The following CSMD3 variants were observed in gnomAD, a reference collection of about 807,000 sequenced individuals.
CSMD3 encodes the protein CUB and sushi domain-containing protein 3.
In CSMD3, 177 loss-of-function variants were observed where a neutral mutation model predicts 435.2. The ratio of observed to expected loss-of-function variants is 0.41; its 90% confidence interval spans 0.36 to 0.46. The LOEUF (loss-of-function observed/expected upper bound fraction) is 0.46, where lower values mean the gene tolerates loss of function less well. Ranked by LOEUF, CSMD3 falls within the 20% of genes least tolerant of loss-of-function variation. The probability of loss-of-function intolerance (pLI) is 0.34; values close to 1 mark genes in which losing one functional copy is unlikely to be tolerated. For synonymous variants in CSMD3, 1,656 were observed against 1,520.5 expected, an observed-to-expected ratio of 1.09 and a Z score of -2.07; for missense variants, 4,265 against 4,504.6, an observed-to-expected ratio of 0.95 and a Z score of 1.52.
intron 10 of CSMD3, among the ~76,000 whole-genome samples, chr8:112,892,451 A>C (rs2081823815): frequency 6.6e-6 from 1 of 151,562 alleles, no homozygotes; most frequent in South Asian, 2.1e-4. Context: ...TTGAAAAATA[A>C]TTTATTATGG....
intron 12 of CSMD3, among the ~76,000 whole-genome samples, chr8:112,805,716 C>A (rs1217243057): frequency 2.2e-4 from 33 of 152,140 alleles, no homozygotes; most frequent in Admixed American, 2.2e-3. Context: ...TCTGTTTTTT[C>A]TCATTGCTCT....
At position 112,685,658 on chromosome 8, in the gene CSMD3, T is replaced by C. The variant is rs1178261908; in HGVS notation, c.2230A>G (p.Asn744Asp). The C allele has an allele frequency of 6.2e-7, 1 of 1,613,816 alleles. No homozygotes were observed. The highest frequency in any genetic ancestry group is 8.5e-7 in the Non-Finnish European group (1 of 1,179,714). Reference sequence around the variant, plus strand: ...ATTATCGTCCAGATGCAATTTAAATTATTTCCATACCCTTCTGGGTAATCA... The same window carrying C: ...ATTATCGTCCAGATGCAATTTAAATCATTTCCATACCCTTCTGGGTAATCA... The part of the protein sequence containing the change: ...SPDYPEGYGN[N>D]LNCIWTIISD... Residue 744 changes from asparagine (N) to aspartate (D), a missense_variant, in exon 15 of 71, where the codon AAT becomes GAT. By Grantham distance (23) the Asn-to-Asp change is conservative (BLOSUM62 1). Transcript: ENST00000297405.
At chr8:112,313,438 C>T (rs1227070930) in intron 49 of CSMD3, among the ~76,000 whole-genome samples, 3 of 152,068 alleles carry the variant, frequency 2.0e-5, no homozygotes, top group Non-Finnish European at 2.9e-5. Flanking sequence ...TTTGTTTTAA[C>T]TTGTCATTTA....
intron 13 of CSMD3, among the ~76,000 whole-genome samples, chr8:112,743,377 C>G (rs1234040205): frequency 6.6e-6 from 1 of 151,454 alleles, no homozygotes; most frequent in African/African-American, 2.4e-5. Context: ...GAGTATTTTC[C>G]AACCTCTCAT....
At chr8:112,667,175 T>C (rs544756507) in intron 16 of CSMD3, among the ~76,000 whole-genome samples, 131 of 152,248 alleles carry the variant, frequency 8.6e-4, no homozygotes, top group African/African-American at 3.1e-3. Context: ...AACCAAGTTT[T>C]AGAGAGAGCA....
At chr8:113,283,013 G>A (rs1211935132) in intron 2 of CSMD3, among the ~76,000 whole-genome samples, 1 of 152,126 alleles carries the variant, frequency 6.6e-6, no homozygotes, top group Non-Finnish European at 1.5e-5. Context: ...AAATGGTGCT[G>A]AGATAATTGG....
intron 70 of CSMD3, among the ~76,000 whole-genome samples, 158 bp downstream of exon 70, chr8:112,228,598 G>C (rs1215496238): frequency 4.6e-5 from 7 of 152,136 alleles, no homozygotes; most frequent in African/African-American, 1.7e-4. Flanking sequence ...GGGGTGGTTA[G>C]GGGAAATAAA....
intron 3 of CSMD3, among the ~76,000 whole-genome samples, chr8:113,261,918 C>T (rs1307369262): frequency 1.3e-5 from 2 of 151,956 alleles, no homozygotes; most frequent in Non-Finnish European, 2.9e-5. Context: ...TCATTTGCTC[C>T]CCTTCCTTAT....
chr8:112,552,413 G>A (rs1827765232), intron 26 of CSMD3, among the ~76,000 whole-genome samples, 181 bp downstream of exon 26: 1 of 152,048 alleles, frequency 6.6e-6, no homozygotes, highest in African/African-American at 2.4e-5. Flanking sequence ...TTGAGCCTAT[G>A]AGGAGGAGGT....
chr8:112,506,829 G>C lies in CSMD3; in HGVS notation c.4757C>G (p.Ala1586Gly), dbSNP rs558533994. 3.1e-6 allele frequency: 5 copies of C among 1,611,284 alleles called. No individual in the cohort carries two copies. In the South Asian group the frequency reaches 5.5e-5, roughly 18 times the overall value. ...TCCTGTTAAATTGCCTCCACAGGGT[G>C]CTTTAATTTAAACAAACAAATAAAA... ...FWQPSPPVCI[A>G]PCGGNLTGSS... Residue 1586 changes from alanine to glycine, a missense_variant and splice_region_variant, in exon 29 of 71, where the codon GCA becomes GGA. By Grantham distance (60) the Ala-to-Gly change is moderately conservative. Transcript: ENST00000297405.
chr8:112,627,481 CTT>C (rs1484380338), intron 22 of CSMD3, among the ~76,000 whole-genome samples: 1 of 152,126 alleles, frequency 6.6e-6, no homozygotes, highest in East Asian at 1.9e-4. Context: ...ACACTCCACT[CTT>C]TGCCTCTCTT....
At chr8:112,583,842 T>C (rs541963869) in intron 23 of CSMD3, among the ~76,000 whole-genome samples, 1 of 152,038 alleles carries the variant, frequency 6.6e-6, no homozygotes, top group Non-Finnish European at 1.5e-5. Context: ...TTTTGTTCAA[T>C]TCAGAATGGA....
intron 3 of CSMD3, among the ~76,000 whole-genome samples, chr8:113,237,831 C>T (rs1364973556): frequency 6.6e-6 from 1 of 152,128 alleles, no homozygotes; most frequent in African/African-American, 2.4e-5. Flanking sequence ...AATCCCAGCA[C>T]TTTGGGAGGC....
At chr8:112,551,035 A>C (rs1056068787) in intron 26 of CSMD3, among the ~76,000 whole-genome samples, 162 bp from the exon 27 acceptor site, 1 of 152,042 alleles carries the variant, frequency 6.6e-6, no homozygotes, top group African/African-American at 2.4e-5. Flanking sequence ...ATTTTTCTTG[A>C]GACATATAAT....
chr8:113,359,040 C>T (rs2094253617), intron 1 of CSMD3, among the ~76,000 whole-genome samples: 2 of 151,244 alleles, frequency 1.3e-5, no homozygotes, highest in African/African-American at 4.9e-5. Context: ...AATTTCCTCT[C>T]AATAGTAAAA....
chr8:112,860,478 T>C (rs1409734057), intron 10 of CSMD3, among the ~76,000 whole-genome samples: 1 of 151,800 alleles, frequency 6.6e-6, no homozygotes, highest in Admixed American at 6.6e-5. Flanking sequence ...CCCCATTTAC[T>C]ACTTAACTTC....
chr8:113,387,860 C>T (rs2094445871), intron 1 of CSMD3, among the ~76,000 whole-genome samples: 1 of 151,728 alleles, frequency 6.6e-6, no homozygotes, highest in Admixed American at 6.6e-5. Context: ...GTATTACTGT[C>T]ATTTTCTCAT....
At chr8:112,534,338 G>T (rs1053930794) in intron 27 of CSMD3, among the ~76,000 whole-genome samples, 2 of 151,758 alleles carry the variant, frequency 1.3e-5, no homozygotes, top group Admixed American at 1.3e-4. Flanking sequence ...ATGATAAAGG[G>T]GATATCACCA....
chr8:113,110,682 C>G (rs2090612420), intron 4 of CSMD3, among the ~76,000 whole-genome samples: 2 of 152,154 alleles, frequency 1.3e-5, no homozygotes, highest in Non-Finnish European at 1.5e-5. Context: ...TGGATATTCA[C>G]AGTAATGCAG....
Sources: gnomAD v4.1 joint callset for allele counts (sites outside exome capture counted in the v4.1 genomes callset) on GRCh38, gnomAD v4.1.1 for gene constraint, MANE v1.5 for transcripts, NCBI Gene and HGNC (gene_info 2026-07-23, HGNC 2026-07-21) for gene names.